Variants in BNC2 observed in about 807,000 individuals in gnomAD.
The protein encoded by BNC2 is basonuclin zinc finger protein 2.
A neutral mutation model predicts 76.3 loss-of-function variants in BNC2; 20 were observed. That is an observed-to-expected ratio of 0.26 (90% CI 0.18 to 0.38). The LOEUF is 0.38. Among genes scored for constraint, BNC2 ranks in the 10% least tolerant of loss-of-function variants. BNC2 has a pLI of 1.00. For synonymous variants in BNC2, 582 were observed against 514.8 expected, an observed-to-expected ratio of 1.13 and a Z score of -1.77; for missense variants, 1,382 against 1,399.8, an observed-to-expected ratio of 0.99 and a Z score of 0.20.
rs1312309623 is a variant in BNC2, at chr9:16,865,543, C to A, written c.3+5103G>T. Among the ~76,000 whole-genome samples the A allele has an allele frequency of 3.3e-5, 5 of 152,190 alleles. No homozygotes were observed. In the East Asian group the frequency reaches 9.7e-4, roughly 29 times the overall value. On this transcript the variant is annotated intron_variant, in intron 1 of 6. Coordinates refer to ENST00000380672, the MANE Select transcript of BNC2 (RefSeq NM_017637.6). ...TCAGCTAGAATTCTTAATTATCGAA[C>A]CTATTATTTTTTGGTGCCCTTCTCA... is the stretch of plus-strand genomic sequence containing the variant.
rs144154574 is a variant in BNC2 at position 16,738,081 on chromosome 9, A to G, written c.129+279T>C. Among the ~76,000 whole-genome samples, 713 of 152,312 alleles carry G rather than the reference A, an allele frequency of 4.7e-3. 2 individuals are homozygous for G. The highest frequency in any genetic ancestry group is 0.016 in the African/African-American group (675 of 41,580). ...AGGAAAGAAAGAATAGAAAAAGGAA[A>G]AGAGAAGTAAGTGCAGGGAGAGAAA... On this transcript the variant is annotated intron_variant, in intron 2 of 6. Coordinates refer to ENST00000380672, the MANE Select transcript of BNC2 (RefSeq NM_017637.6).
At chr9:16,446,801 G>GT (rs1440648321) in intron 5 of BNC2, among the ~76,000 whole-genome samples, 2 of 512 alleles carry the variant, frequency 3.9e-3, no homozygotes, top group African/African-American at 9.8e-3. Flanking sequence ...ATCACTCTGG[G>GT]GTACAACATA....
chr9:16,748,371 G>A (rs975307777), intron 1 of BNC2, among the ~76,000 whole-genome samples: 24 of 151,950 alleles, frequency 1.6e-4, no homozygotes, highest in Admixed American at 1.6e-3. Flanking sequence ...AAATTAGTTG[G>A]GCATGGTGGT....
At chr9:16,450,423 G>A (rs144353041) in intron 5 of BNC2, among the ~76,000 whole-genome samples, 17 of 152,340 alleles carry the variant, frequency 1.1e-4, no homozygotes, top group Non-Finnish European at 2.2e-4. Flanking sequence ...CTGGCATTCT[G>A]AGATGACTGC....
intron 3 of BNC2, among the ~76,000 whole-genome samples, chr9:16,590,338 G>A (rs1403261592): frequency 1.3e-5 from 2 of 151,838 alleles, no homozygotes; most frequent in Non-Finnish European, 2.9e-5. Flanking sequence ...GATTTCAGGC[G>A]CCCACCATCA....
At chr9:16,639,490 T>C (rs995910100) in intron 3 of BNC2, among the ~76,000 whole-genome samples, 8 of 152,212 alleles carry the variant, frequency 5.3e-5, no homozygotes, top group African/African-American at 1.7e-4. Context: ...GCTACCACTA[T>C]ATTCTTTTCT....
intron 3 of BNC2, among the ~76,000 whole-genome samples, chr9:16,585,710 A>G (rs115482155): frequency 6.6e-6 from 1 of 152,192 alleles, no homozygotes; most frequent in African/African-American, 2.4e-5. Flanking sequence ...CGCAAATAAC[A>G]TAAGTTATCA....
chr9:16,755,501 C>T (rs1025601337), intron 1 of BNC2, among the ~76,000 whole-genome samples: 1 of 152,152 alleles, frequency 6.6e-6, no homozygotes, highest in African/African-American at 2.4e-5. Flanking sequence ...TATCACTATG[C>T]TAACTATGCA....
At chr9:16,747,802 G>A (rs1442340968) in intron 1 of BNC2, among the ~76,000 whole-genome samples, 1 of 152,198 alleles carries the variant, frequency 6.6e-6, no homozygotes, top group African/African-American at 2.4e-5. Flanking sequence ...GCTTCTAAGT[G>A]CTTAGGGCTT....
intron 1 of BNC2, among the ~76,000 whole-genome samples, chr9:16,857,368 T>C (rs1819284790): frequency 6.6e-6 from 1 of 150,836 alleles, no homozygotes; most frequent in African/African-American, 2.4e-5. Context: ...TCCCAGCTAC[T>C]CGGGAGGCTA....
intron 5 of BNC2, among the ~76,000 whole-genome samples, chr9:16,514,501 A>G (rs1227736214): frequency 6.6e-6 from 1 of 151,864 alleles, no homozygotes; most frequent in Admixed American, 6.6e-5. Context: ...TTTTTTTTTA[A>G]AAAGGGGGGA....
At chr9:16,741,143 T>C (rs555748156) in intron 1 of BNC2, among the ~76,000 whole-genome samples, 2 of 152,210 alleles carry the variant, frequency 1.3e-5, no homozygotes, top group Admixed American at 1.3e-4. Context: ...CGAGGAGTAC[T>C]AGAAGGAAGA....
At chr9:16,784,109 GA>G (rs1214161008) in intron 1 of BNC2, among the ~76,000 whole-genome samples, 2 of 152,126 alleles carry the variant, frequency 1.3e-5, no homozygotes, top group Non-Finnish European at 2.9e-5. Context: ...ACATGAATAA[GA>G]AACAAACATG....
intron 2 of BNC2, among the ~76,000 whole-genome samples, chr9:16,735,965 G>A (rs147936277): frequency 9.9e-5 from 15 of 151,732 alleles, no homozygotes; most frequent in African/African-American, 3.6e-4. Context: ...CAGGTGCGGT[G>A]GCTCACACCT....
intron 1 of BNC2, among the ~76,000 whole-genome samples, chr9:16,809,800 T>C (rs550708269): frequency 4.9e-4 from 75 of 152,102 alleles, no homozygotes; most frequent in African/African-American, 1.8e-3. Flanking sequence ...AAGAAAACAG[T>C]GTGCCCAGAA....
intron 1 of BNC2, among the ~76,000 whole-genome samples, chr9:16,779,972 C>T (rs538752767): frequency 2.0e-5 from 3 of 151,730 alleles, no homozygotes; most frequent in Non-Finnish European, 4.4e-5. Context: ...CGTGGTGGCT[C>T]ACGCCTGTGA....
In BNC2 at chr9:16,435,967, G is replaced by T. The variant is rs1342364040; in HGVS notation, c.2227C>A (p.His743Asn). 6.2e-7 allele frequency: 1 copy of T among 1,614,160 alleles called. No individual in the cohort carries two copies. The highest frequency in any genetic ancestry group is 1.7e-5 in the Admixed American group (1 of 60,016). Residue 743 changes from histidine to asparagine, a missense_variant, in exon 6 of 7, where the codon CAC (histidine) becomes AAC (asparagine). By Grantham distance (68) the His-to-Asn change is moderately conservative. Transcript: ENST00000380672. The part of the protein sequence containing the change: ...LGEESMEGDE[H>N]IHSEVSEKVL... ...TTTTCACTCACTTCGCTGTGAATGT[G>T]CTCATCCCCTTCCATGGATTCCTCG...
At chr9:16,761,541 C>T (rs1825551558) in intron 1 of BNC2, among the ~76,000 whole-genome samples, 1 of 152,036 alleles carries the variant, frequency 6.6e-6, no homozygotes, top group African/African-American at 2.4e-5. Context: ...CCAGAAAATC[C>T]ATTGTTAGAC....
At chr9:16,595,900 A>G (rs921774017) in intron 3 of BNC2, among the ~76,000 whole-genome samples, 1 of 152,108 alleles carries the variant, frequency 6.6e-6, no homozygotes, top group African/African-American at 2.4e-5. Context: ...GTGGAGAAAA[A>G]AAAAGTCTTC....
Sources: allele counts gnomAD v4.1 joint callset (sites outside exome capture counted in the v4.1 genomes callset), GRCh38; gene constraint gnomAD v4.1.1; transcripts MANE v1.5; gene names NCBI Gene and HGNC (gene_info 2026-07-23, HGNC 2026-07-21).